TTN: variants seen among roughly 807,000 people sequenced by gnomAD.
TTN encodes titin.
A neutral mutation model predicts 3,223.0 loss-of-function variants in TTN; 1,525 were observed. The ratio of observed to expected loss-of-function variants is 0.47; its 90% CI spans 0.45 to 0.49. The LOEUF (loss-of-function observed/expected upper bound fraction) is 0.49. TTN is among the 20% of genes least tolerant of loss of function. The pLI is 0.00. For synonymous variants in TTN, 14,094 were observed against 15,161.0 expected, an observed-to-expected ratio of 0.93 and a Z score of 5.17; for missense variants, 40,786 against 43,424.0, an observed-to-expected ratio of 0.94 and a Z score of 5.40.
At position 178,547,845 on chromosome 2, in the gene TTN, G is replaced by A. The variant is rs1553528016; in HGVS notation, c.93781C>T (p.Arg31261Ter). ...TCTTTTGTTGTTGTAATGCTCACTC[G>A]ATCTGTCTCTTTAAGTCTCATTTCT... ...LEEMRLKETD[R>*]VSITTTKDRT... The change falls in exon 339 of 363, where the codon CGA becomes TGA. Residue 31261 changes from arginine (R) to a stop codon, truncating the protein, a stop_gained. Coordinates refer to ENST00000589042, the MANE Select transcript of TTN (RefSeq NM_001267550.2). LOFTEE classifies it high-confidence loss of function. 1 of 1,613,822 alleles carries A rather than the reference G, an allele frequency of 6.2e-7. No homozygotes were observed. The highest frequency in any genetic ancestry group is 8.5e-7 in the Non-Finnish European group (1 of 1,179,828).
chr2:178,726,115 C>A, intron 69 of TTN, 69 bp from the exon 70 acceptor site: 1 of 1,475,184 alleles, frequency 6.8e-7, no homozygotes. Flanking sequence ...TTTTATTTGT[C>A]TTTAAATTGG....
rs756699806 is a variant in TTN at position 178,654,566 on chromosome 2, A to G, written c.38207-32T>C. The G allele has an allele frequency of 2.8e-6, 4 of 1,421,178 alleles. 1 individual carries two copies. In the East Asian group the frequency reaches 7.9e-5, roughly 28 times the overall value. The allele number at this position is 1,421,178 out of a possible 1,614,324, so 88.0% of individuals were successfully genotyped here. A position where few individuals can be genotyped will look rare whatever the true frequency, so the allele number is the denominator to read the frequency against. The stretch of plus-strand genomic sequence containing the variant: ...AGATATTTGTAATTTGTGTTTAGAA[A>G]AGGTGAAAATGATGGATGCCTTTTG... On this transcript the variant is annotated intron_variant, in intron 191 of 362. Transcript: ENST00000589042.
intron 120 of TTN, 33 bp downstream of exon 120, chr2:178,692,464 T>G (rs915921650): frequency 2.0e-6 from 3 of 1,531,640 alleles, no homozygotes; most frequent in Admixed American, 3.9e-5. Flanking sequence ...AGATGGATGC[T>G]AAGAATTATT....
chr2:178,775,412 A>G lies in TTN; in HGVS notation c.6452T>C (p.Val2151Ala). 6.2e-7 allele frequency: 1 copy of G among 1,614,102 alleles called. No individual in the cohort carries two copies. The highest frequency in any genetic ancestry group is 1.1e-5 in the South Asian group (1 of 91,084). The change falls in exon 28 of 363, where the codon GTA (valine) becomes GCA (alanine). Residue 2151 changes from valine (V) to alanine (A), a missense_variant. Physicochemically the swap from Val to Ala is moderately conservative, Grantham distance 64. Transcript: ENST00000589042. The part of the protein sequence containing the change: ...VTAEDSASIM[V>A]KAINIAGETS... ...TTCTCCAGCTATGTTGATGGCTTTT[A>G]CCATGATGCTGGCAGAGTCCTCAGC...
In TTN at chr2:178,705,335, C is replaced by T; in HGVS notation, c.29443G>A (p.Ala9815Thr). 7 of 1,598,124 alleles carry T rather than the reference C, an allele frequency of 4.4e-6. No individual in the cohort carries two copies. The highest frequency in any genetic ancestry group is 6.0e-6 in the Non-Finnish European group (7 of 1,172,376). Residue 9815 changes from alanine to threonine, a missense_variant, in exon 103 of 363, where the codon GCT becomes ACT. By Grantham distance (58) the Ala-to-Thr change is moderately conservative. Transcript: ENST00000589042. ...LKKTPILKKG[A>T]GEEEEIDIME... Reference sequence around the variant, plus strand: ...ATATCAATTTCCTCTTCTTCTCCAGCTCCTTTCTTTAAGATTGGAGTCCTA... The same window carrying T: ...ATATCAATTTCCTCTTCTTCTCCAGTTCCTTTCTTTAAGATTGGAGTCCTA...
chr2:178,795,044 T>A lies in TTN; in HGVS notation c.1123A>T (p.Arg375Ter). The change falls in exon 7 of 363, where the codon AGA becomes TGA. Residue 375 changes from arginine (R) to a stop codon, truncating the protein, a stop_gained. Coordinates refer to ENST00000589042, the MANE Select transcript of TTN (RefSeq NM_001267550.2). LOFTEE classifies it high-confidence loss of function. Reference sequence around the variant, plus strand: ...TGGACACCGTATCTCCCTTCCCATCTCTCTTCTGTCCTGATCTGAGTAGAG... The same window carrying A: ...TGGACACCGTATCTCCCTTCCCATCACTCTTCTGTCCTGATCTGAGTAGAG... ...TTSTQIRTEE[R>*]WEGRYGVQEQ... The A allele has an allele frequency of 6.2e-7, 1 of 1,613,444 alleles. No homozygotes were observed. The highest frequency in any genetic ancestry group is 8.5e-7 in the Non-Finnish European group (1 of 1,179,996).
chr2:178,575,563 A>G lies in TTN; in HGVS notation c.70569T>C (p.Thr23523=). 1.2e-6 allele frequency: 2 copies of G among 1,613,574 alleles called. No individual in the cohort carries two copies. Among genetic ancestry groups the G allele is most frequent in the Non-Finnish European group, 1.7e-6 (2 of 1,179,644 alleles). ...CTTCAGAGGCTTTTACGGGCTCTGT[A>G]GTTTCTGTTGGCTCACCAATTCCAT... The part of the protein sequence containing the change: ...NEYGIGEPTE[T]TEPVKASEAP... Residue 23523 remains threonine, a synonymous_variant, in exon 326 of 363, where the codon ACT becomes ACC. Coordinates refer to ENST00000589042, the MANE Select transcript of TTN (RefSeq NM_001267550.2). This position sits in a 1 kb window ranked among gnomAD's most constrained non-coding sequence, Gnocchi z 4.0.
At position 178,530,555 on chromosome 2, in the gene TTN, G is replaced by A. The variant is rs758206532; in HGVS notation, c.106060C>T (p.Gln35354Ter). The stretch of plus-strand genomic sequence containing the variant: ...GAAATCTCACAAACATATTCTCCTT[G>A]ATCAGATTCAGTGAGGTTATTGATT... The part of the protein sequence containing the change: ...LKINNLTESD[Q>*]GEYVCEISGE... Residue 35354 changes from glutamine to a stop codon, truncating the protein, a stop_gained, in exon 358 of 363, where the codon CAA becomes TAA. Coordinates refer to ENST00000589042, the MANE Select transcript of TTN (RefSeq NM_001267550.2). LOFTEE classifies it high-confidence loss of function. 1 of 1,613,958 alleles carries A rather than the reference G, an allele frequency of 6.2e-7. No individual in the cohort carries two copies. Among genetic ancestry groups the A allele is most frequent in the Non-Finnish European group, 8.5e-7 (1 of 1,179,884 alleles).
In TTN at chr2:178,587,558, G is replaced by T; in HGVS notation, c.63751C>A (p.Pro21251Thr). The T allele has an allele frequency of 6.2e-7, 1 of 1,611,386 alleles. No individual in the cohort carries two copies. The highest frequency in any genetic ancestry group is 8.5e-7 in the Non-Finnish European group (1 of 1,178,598). ...ACGAATACAGCCTTTTCTCCTGCTG[G>T]GTTCACAAGTGTTAAGGAATATTTT... ...SGKYSLTLVN[P>T]AGEKAVFVNV... The change falls in exon 306 of 363, where the codon CCA (proline) becomes ACA (threonine). Residue 21251 changes from proline (P) to threonine (T), a missense_variant. Transcript: ENST00000589042.
In TTN at chr2:178,793,316, A is replaced by G. The variant is rs192309436; in HGVS notation, c.1536+88T>C. On this transcript the variant is annotated intron_variant, in intron 9 of 362. Transcript: ENST00000589042. ...AGTATGCTAACAACCATGTGGCCCA[A>G]GGAACAACACTCTTCATGGTAAAGG... 140 of 1,538,414 alleles carry G rather than the reference A, an allele frequency of 9.1e-5. No individual in the cohort carries two copies. In the African/African-American group the frequency reaches 1.6e-3, roughly 18 times the overall value.
Position 178,604,086 on chromosome 2 carries a change from A to G in TTN, c.54601T>C (p.Tyr18201His), listed in dbSNP as rs779191742. 1.9e-6 allele frequency: 3 copies of G among 1,612,864 alleles called. No homozygotes were observed. Among genetic ancestry groups the G allele is most frequent in the Non-Finnish European group, 2.5e-6 (3 of 1,179,160 alleles). ...LDNGGSPITG[Y>H]WLEKREEGSP... is the part of the protein sequence containing the mutation. ...CCCTCTTCTCTTTTCTCCAGCCAGT[A>G]GCCAGTAATTGGAGAGCCACCATTG... The change falls in exon 282 of 363, where the codon TAC (tyrosine) becomes CAC (histidine). Residue 18201 changes from tyrosine to histidine, a missense_variant. By Grantham distance (83) the Tyr-to-His change is moderately conservative. Transcript: ENST00000589042.
intron 198 of TTN, 37 bp from the exon 199 acceptor site, chr2:178,653,161 A>G: frequency 6.2e-7 from 1 of 1,609,664 alleles, no homozygotes; most frequent in Non-Finnish European, 8.5e-7. Context: ...TTTAGGGGTT[A>G]TGAAGACCAC....
rs1244755099 is a variant in TTN, at chr2:178,553,334, C to A, written c.89566G>T (p.Asp29856Tyr). Residue 29856 changes from aspartate to tyrosine, a missense_variant, in exon 335 of 363, where the codon GAT (aspartate) becomes TAT (tyrosine). Physicochemically the swap from Asp to Tyr is radical, Grantham distance 160 (BLOSUM62 -3). Coordinates refer to ENST00000589042, the MANE Select transcript of TTN (RefSeq NM_001267550.2). ...RTSVIAKAGEDVQVLIPFKGR... is the reference protein window; with the variant it reads ...RTSVIAKAGEYVQVLIPFKGR... Reference sequence around the variant, plus strand: ...TTAAAGGGAATCAACACTTGTACATCTTCACCAGCTTTGGCAATAACAGAA... The same window carrying A: ...TTAAAGGGAATCAACACTTGTACATATTCACCAGCTTTGGCAATAACAGAA... 6.2e-7 allele frequency: 1 copy of A among 1,603,248 alleles called. No individual in the cohort carries two copies. Among genetic ancestry groups the A allele is most frequent in the South Asian group, 1.1e-5 (1 of 90,940 alleles).
rs748320500 is a variant in TTN at position 178,681,152 on chromosome 2, T to C, written c.33267A>G (p.Lys11089=). 5 of 1,602,694 alleles carry C rather than the reference T, an allele frequency of 3.1e-6. No homozygotes were observed. The highest frequency in any genetic ancestry group is 4.2e-6 in the Non-Finnish European group (5 of 1,176,664). The part of the protein sequence containing the change: ...PPPKVPEEPK[K]VFEEKIRISI... ...AAATACGTATTTTTTCCTCAAAAACTTTCTTTGGTTCTTCAGGCACTTTAA... is the reference window on the plus strand; with the variant it reads ...AAATACGTATTTTTTCCTCAAAAACCTTCTTTGGTTCTTCAGGCACTTTAA... The change falls in exon 138 of 363, where the codon AAA becomes AAG. Residue 11089 remains lysine, a synonymous_variant. Coordinates refer to ENST00000589042, the MANE Select transcript of TTN (RefSeq NM_001267550.2).
At position 178,667,660 on chromosome 2, in the gene TTN, CT is replaced by C; in HGVS notation, c.35606del (p.Lys11869ArgfsTer6). 2 of 1,597,170 alleles carry C rather than the reference CT, an allele frequency of 1.3e-6. No homozygotes were observed. Among genetic ancestry groups the C allele is most frequent in the Non-Finnish European group, 1.7e-6 (2 of 1,179,226 alleles). ...EEKVLVTQPQ[K>X]TKPKLAKVPE... ...TACCTTTTGCTAGTTTGGGTTTTGT[CT>C]TTTGAGGTTGAGTCACAAGTACTTT... On this transcript the variant is annotated frameshift_variant, in exon 160 of 363. Coordinates refer to ENST00000589042, the MANE Select transcript of TTN (RefSeq NM_001267550.2). LOFTEE classifies it high-confidence loss of function.
intron 349 of TTN, chr2:178,541,919 CTG>C (rs1694742934): frequency 8.2e-6 from 2 of 243,856 alleles, no homozygotes; most frequent in Non-Finnish European, 7.8e-6. Context: ...AGCATGCACT[CTG>C]TATTTTTTTC....
chr2:178,777,236 T>G lies in TTN; in HGVS notation c.4727A>C (p.Lys1576Thr), dbSNP rs201686366. 1 of 1,614,056 alleles carries G rather than the reference T, an allele frequency of 6.2e-7. No individual in the cohort carries two copies. Among genetic ancestry groups the G allele is most frequent in the Non-Finnish European group, 8.5e-7 (1 of 1,179,892 alleles). ...NIKEGSRLEM[K>T]VRATGNPNPD... ...GTTGGGGTTACCCGTAGCTCTGACT[T>G]TCATTTCAAGTCGGGAACCTTCCTT... Residue 1576 changes from lysine (K) to threonine (T), a missense_variant, in exon 27 of 363, where the codon AAA becomes ACA. Coordinates refer to ENST00000589042, the MANE Select transcript of TTN (RefSeq NM_001267550.2).
rs1449718785 is a variant in TTN at position 178,540,325 on chromosome 2, C to T, written c.97841G>A (p.Arg32614Lys). Residue 32614 changes from arginine (R) to lysine (K), a missense_variant, in exon 351 of 363, where the codon AGG becomes AAG. Physicochemically the swap from Arg to Lys is conservative, Grantham distance 26. Transcript: ENST00000589042. ...PQNPRVTDTTRTSVSLAWSVP... is the reference protein window; with the variant it reads ...PQNPRVTDTTKTSVSLAWSVP... ...ACTCCAGGCCAGGGAGACTGATGTC[C>T]TTGTTGTATCAGTAACTCTTGGGTT... 1 of 1,613,608 alleles carries T rather than the reference C, an allele frequency of 6.2e-7. No homozygotes were observed. Among genetic ancestry groups the T allele is most frequent in the Non-Finnish European group, 8.5e-7 (1 of 1,179,658 alleles).
At chr2:178,712,267 C>T in intron 95 of TTN, 45 bp from the exon 96 acceptor site, 1 of 1,608,304 alleles carries the variant, frequency 6.2e-7, no homozygotes. Context: ...GGAGACATGC[C>T]AGATCATCGA....
Sources: gnomAD v4.1 joint callset for allele counts on GRCh38, gnomAD v4.1.1 for gene constraint, Gnocchi (gnomAD v3.1) non-coding constraint, MANE v1.5 for transcripts, NCBI Gene and HGNC (gene_info 2026-07-23, HGNC 2026-07-21) for gene names.